POLR3A: variants seen among roughly 807,000 people sequenced by gnomAD.
POLR3A encodes the protein DNA-directed RNA polymerase III subunit RPC1.
Under a neutral mutation model 152.8 loss-of-function variants are expected in POLR3A, and 112 were observed. The observed-to-expected ratio is 0.73, with a 90% CI of 0.63 to 0.86. The LOEUF (loss-of-function observed/expected upper bound fraction) is 0.86. Among genes scored for constraint, POLR3A ranks in the 40% least tolerant of loss-of-function variants. The pLI is 0.00. For missense variants in POLR3A, 1,385 were observed against 1,743.1 expected, an observed-to-expected ratio of 0.79 and a Z score of 3.66; for synonymous variants, 615 against 652.1, an observed-to-expected ratio of 0.94 and a Z score of 0.87.
Position 78,010,462 on chromosome 10 carries a change from C to A in POLR3A, c.1642+9G>T, listed in dbSNP as rs763849177. 8 of 1,606,432 alleles carry A rather than the reference C, an allele frequency of 5.0e-6. No homozygotes were observed. The South Asian group carries it at 7.7e-5, about 15-fold the overall frequency. The stretch of plus-strand genomic sequence containing the variant: ...GAAATCTCCTTTCAAGTGAACTTCA[C>A]CAACCTACCTGTTAGAAAATCCTGA... On this transcript the variant is annotated intron_variant, in intron 12 of 30. Transcript: ENST00000372371.
chr10:77,979,348 G>A (rs1793493077), intron 30 of POLR3A, among the ~76,000 whole-genome samples: 2 of 152,156 alleles, frequency 1.3e-5, no homozygotes, highest in South Asian at 2.1e-4. Flanking sequence ...TGTGTGCCCC[G>A]GGGCAGGTTG....
At position 78,025,001 on chromosome 10, in the gene POLR3A, T is replaced by G. The variant is rs1285817991; in HGVS notation, c.460A>C (p.Asn154His). ...AAAGCGCCACAGTGATGGCAGATGTTTTTCTTCCGGCACTTGTCAGAGATT... is the reference window on the plus strand; with the variant it reads ...AAAGCGCCACAGTGATGGCAGATGTGTTTCTTCCGGCACTTGTCAGAGATT... Reference protein sequence around the residue: ...KKISDKCRKKNICHHCGAFNG... With the variant: ...KKISDKCRKKHICHHCGAFNG... Residue 154 changes from asparagine (N) to histidine (H), a missense_variant, in exon 4 of 31, where the codon AAC (asparagine) becomes CAC (histidine). Physicochemically the swap from Asn to His is moderately conservative, Grantham distance 68. Coordinates refer to ENST00000372371, the MANE Select transcript of POLR3A (RefSeq NM_007055.4). The G allele has an allele frequency of 6.2e-7, 1 of 1,614,204 alleles. No homozygotes were observed. Among genetic ancestry groups the G allele is most frequent in the East Asian group, 2.2e-5 (1 of 44,884 alleles).
At chr10:78,012,068 A>G (rs965699280) in intron 11 of POLR3A, among the ~76,000 whole-genome samples, 7 of 152,230 alleles carry the variant, frequency 4.6e-5, no homozygotes, top group African/African-American at 1.7e-4. Flanking sequence ...TGCTCATTAT[A>G]GAAAATAAAT....
rs188895458 is a variant in POLR3A at position 77,981,569 on chromosome 10, G to C, written c.3760-10C>G. 40 of 1,613,916 alleles carry C rather than the reference G, an allele frequency of 2.5e-5. No individual in the cohort carries two copies. The highest frequency in any genetic ancestry group is 3.3e-5 in the Non-Finnish European group (39 of 1,179,874). On this transcript the variant is annotated splice_polypyrimidine_tract_variant and intron_variant, in intron 28 of 30. Coordinates refer to ENST00000372371, the MANE Select transcript of POLR3A (RefSeq NM_007055.4). Reference sequence around the variant, plus strand: ...CCAGAGTTTTCTCCACCTACAGAGAGCCAGTAATGAGCAGAAGCAGCCCCT... The same window carrying C: ...CCAGAGTTTTCTCCACCTACAGAGACCCAGTAATGAGCAGAAGCAGCCCCT...
chr10:78,015,999 T>C (rs1395683125), intron 10 of POLR3A, among the ~76,000 whole-genome samples: 7 of 152,130 alleles, frequency 4.6e-5, no homozygotes, highest in African/African-American at 1.4e-4. Flanking sequence ...GACCCCAAAA[T>C]GAATCTATGA....
At position 77,977,808 on chromosome 10, in the gene POLR3A, A is replaced by G. The variant is rs1328625255; in HGVS notation, c.4025-182T>C. On this transcript the variant is annotated intron_variant, in intron 30 of 30. Coordinates refer to ENST00000372371, the MANE Select transcript of POLR3A (RefSeq NM_007055.4). ...AAAAGGGTGGCTGTGGAGTGCAGAC[A>G]GGGGGATTCTGCACTTTCAGGGAAG... Among the ~76,000 whole-genome samples, 4 of 152,136 alleles carry G rather than the reference A, an allele frequency of 2.6e-5. No homozygotes were observed. The South Asian group carries it at 6.2e-4, about 24-fold the overall frequency.
intron 12 of POLR3A, among the ~76,000 whole-genome samples, 166 bp from the exon 13 acceptor site, chr10:78,010,157 G>A (rs796543268): frequency 1.3e-5 from 2 of 152,254 alleles, no homozygotes; most frequent in African/African-American, 4.8e-5. Context: ...CCACAGGAAC[G>A]TGACTTTGTT....
intron 15 of POLR3A, among the ~76,000 whole-genome samples, chr10:78,005,715 C>T (rs117102892): frequency 0.015 from 2,318 of 152,332 alleles, 28 homozygotes; most frequent in Non-Finnish European, 0.026. Flanking sequence ...ATAAGGAAGG[C>T]TCCAGGCCCT....
intron 15 of POLR3A, among the ~76,000 whole-genome samples, chr10:78,005,949 G>C (rs929145183): frequency 6.6e-6 from 1 of 152,176 alleles, no homozygotes; most frequent in African/African-American, 2.4e-5. Flanking sequence ...TTTGAGGAAA[G>C]ATTTTAACAT....
chr10:78,028,054 C>T (rs1412012759), intron 1 of POLR3A, among the ~76,000 whole-genome samples: 2 of 152,196 alleles, frequency 1.3e-5, no homozygotes, highest in South Asian at 2.1e-4. Context: ...TGAATGGCAA[C>T]CATCCACACA....
chr10:78,026,303 C>T (rs1847634333), intron 1 of POLR3A, 74 bp from the exon 2 acceptor site: 2 of 1,450,562 alleles, frequency 1.4e-6, no homozygotes, highest in African/African-American at 2.8e-5. Flanking sequence ...ACATAGCCCA[C>T]CATAACCAAC....
chr10:77,994,928 A>T (rs1417381924), intron 19 of POLR3A, among the ~76,000 whole-genome samples: 8 of 152,196 alleles, frequency 5.3e-5, no homozygotes, highest in Non-Finnish European at 1.0e-4. Flanking sequence ...CGGGTTACCC[A>T]CAAAGGGAAG....
At chr10:78,016,310 T>G (rs1374037492) in intron 10 of POLR3A, among the ~76,000 whole-genome samples, 1 of 151,128 alleles carries the variant, frequency 6.6e-6, no homozygotes, top group Non-Finnish European at 1.5e-5. Flanking sequence ...GGGTCATACC[T>G]ATAATCCCAG....
At chr10:78,014,557 C>T (rs1047727140) in intron 10 of POLR3A, among the ~76,000 whole-genome samples, 12 of 152,112 alleles carry the variant, frequency 7.9e-5, no homozygotes, top group African/African-American at 2.4e-4. Context: ...GCTGGGACTA[C>T]AGGCGTTTAC....
intron 30 of POLR3A, among the ~76,000 whole-genome samples, chr10:77,979,421 G>A (rs932898220): frequency 1.3e-5 from 2 of 152,206 alleles, no homozygotes; most frequent in African/African-American, 4.8e-5. Context: ...GTCTTCCTGC[G>A]GAATCAGAAA....
Position 78,001,003 on chromosome 10 carries a change from G to A in POLR3A, c.2451C>T (p.Ser817=). The A allele has an allele frequency of 3.7e-6, 6 of 1,602,282 alleles. No homozygotes were observed. The highest frequency in any genetic ancestry group is 4.3e-6 in the Non-Finnish European group (5 of 1,170,332). ...TTGAGTGTTTTTCAAAATGAGGCAA[G>A]GACCTGTTTTCAAAGCCGTCTGGCA... ...SRVPDGFENR[S]LPHFEKHSKL... is the part of the protein sequence containing the mutation. Residue 817 remains serine, a synonymous_variant, in exon 18 of 31, where the codon TCC becomes TCT. Coordinates refer to ENST00000372371, the MANE Select transcript of POLR3A (RefSeq NM_007055.4).
At chr10:77,994,279 C>A (rs1057457934) in intron 19 of POLR3A, among the ~76,000 whole-genome samples, 2 of 152,224 alleles carry the variant, frequency 1.3e-5, no homozygotes, top group African/African-American at 2.4e-5. Flanking sequence ...AAATAGGCGT[C>A]TACTGACTTG....
chr10:77,977,525 G>A lies in POLR3A; in HGVS notation c.4126C>T (p.Pro1376Ser), dbSNP rs185669283. Reference protein sequence around the residue: ...ADRDPNPPKRPLIFDTNEFHI... With the variant: ...ADRDPNPPKRSLIFDTNEFHI... ...AATTCATTTGTGTCGAAGATCAGGGGCCTCTTGGGAGGGTTCGGGTCCCTG... is the reference window on the plus strand; with the variant it reads ...AATTCATTTGTGTCGAAGATCAGGGACCTCTTGGGAGGGTTCGGGTCCCTG... Residue 1376 changes from proline to serine, a missense_variant, in exon 31 of 31, where the codon CCC becomes TCC. Physicochemically the swap from Pro to Ser is moderately conservative, Grantham distance 74 (BLOSUM62 -1). Coordinates refer to ENST00000372371, the MANE Select transcript of POLR3A (RefSeq NM_007055.4). 1.9e-6 allele frequency: 3 copies of A among 1,614,116 alleles called. No homozygotes were observed. The highest frequency in any genetic ancestry group is 1.7e-6 in the Non-Finnish European group (2 of 1,179,984).
In POLR3A at chr10:77,983,924, A is replaced by G; in HGVS notation, c.3425T>C (p.Leu1142Pro). 6.3e-7 allele frequency: 1 copy of G among 1,594,812 alleles called. No individual in the cohort carries two copies. Among genetic ancestry groups the G allele is most frequent in the Non-Finnish European group, 8.6e-7 (1 of 1,162,426 alleles). Residue 1142 changes from leucine (L) to proline (P), a missense_variant, in exon 26 of 31, where the codon CTG becomes CCG. Transcript: ENST00000372371. ...LSLERIRLLR[L>P]EVNAETVRYS... ...ACATTTAATTATGTGACTCACTTCCAGTCTCAGAAGCCTAATCCGTTCCAG... is the reference window on the plus strand; with the variant it reads ...ACATTTAATTATGTGACTCACTTCCGGTCTCAGAAGCCTAATCCGTTCCAG...
Sources: allele counts gnomAD v4.1 joint callset (sites outside exome capture counted in the v4.1 genomes callset), GRCh38; gene constraint gnomAD v4.1.1; transcripts MANE v1.5; gene names NCBI Gene and HGNC (gene_info 2026-07-23, HGNC 2026-07-21).